The following NKAIN3 variants were observed in gnomAD, a reference collection of about 807,000 sequenced individuals.
The protein encoded by NKAIN3 is sodium/potassium-transporting ATPase subunit beta-1-interacting protein 3.
A neutral mutation model predicts 30.2 loss-of-function variants in NKAIN3; 25 were observed. That is an observed-to-expected ratio of 0.83 (90% CI 0.60 to 1.16). The LOEUF (loss-of-function observed/expected upper bound fraction) is 1.16, where lower values mean the gene tolerates loss of function less well. Among genes scored for constraint, NKAIN3 ranks in the 50% most tolerant of loss-of-function variants. The pLI is 0.00. For synonymous variants in NKAIN3, 91 were observed against 89.6 expected (o/e 1.02, Z -0.09); for missense variants, 225 against 254.1 (o/e 0.89, Z 0.78).
At chr8:62,441,307 G>GT (rs1469856278) in intron 1 of NKAIN3, among the ~76,000 whole-genome samples, 1 of 151,918 alleles carries the variant, frequency 6.6e-6, no homozygotes, top group East Asian at 1.9e-4. Flanking sequence ...AAGATCAGCT[G>GT]TTTTTCCTAA....
chr8:62,880,508 A>G (rs530215904), intron 4 of NKAIN3, among the ~76,000 whole-genome samples: 4 of 152,330 alleles, frequency 2.6e-5, no homozygotes, highest in African/African-American at 9.6e-5. Flanking sequence ...TTTTTACAAC[A>G]AAGTGTGGGA....
At chr8:62,644,488 G>A (rs945336021) in intron 3 of NKAIN3, among the ~76,000 whole-genome samples, 5 of 151,948 alleles carry the variant, frequency 3.3e-5, no homozygotes, top group African/African-American at 1.2e-4. Flanking sequence ...TAATAAATCT[G>A]TGTTTAATAT....
intron 1 of NKAIN3, among the ~76,000 whole-genome samples, chr8:62,250,345 G>C (rs1365243229): frequency 6.6e-6 from 1 of 152,008 alleles, no homozygotes; most frequent in Non-Finnish European, 1.5e-5. Flanking sequence ...TGTATTCGTA[G>C]GTTTGAAATC....
At chr8:62,545,784 A>G (rs918804843) in intron 1 of NKAIN3, among the ~76,000 whole-genome samples, 7 of 152,184 alleles carry the variant, frequency 4.6e-5, no homozygotes, top group Admixed American at 3.9e-4. Context: ...TACATAAACC[A>G]TTTTGCATAG....
At chr8:62,499,113 A>G (rs1807334682) in intron 1 of NKAIN3, among the ~76,000 whole-genome samples, 1 of 152,272 alleles carries the variant, frequency 6.6e-6, no homozygotes, top group Non-Finnish European at 1.5e-5. Flanking sequence ...AGATTGTGCC[A>G]TGTGATTGGT....
At chr8:62,985,025 T>A (rs1824174728), downstream of NKAIN3, 1 of 152,208 alleles carries the variant, frequency 6.6e-6, no homozygotes, top group Non-Finnish European at 1.5e-5. Flanking sequence ...TACCCCCCTA[T>A]TTCATGCACA....
chr8:62,317,164 C>CTT (rs1488687408), intron 1 of NKAIN3, among the ~76,000 whole-genome samples: 1 of 152,126 alleles, frequency 6.6e-6, no homozygotes, highest in Non-Finnish European at 1.5e-5. Flanking sequence ...ATTGTAGATT[C>CTT]TGGATATTAG....
chr8:62,930,104 T>C (rs1343461105), intron 5 of NKAIN3, among the ~76,000 whole-genome samples: 1 of 152,240 alleles, frequency 6.6e-6, no homozygotes, highest in East Asian at 1.9e-4. Context: ...TACAACTCAG[T>C]GGCATTAGGT....
At chr8:62,536,138 G>A (rs906110524) in intron 1 of NKAIN3, among the ~76,000 whole-genome samples, 1 of 152,088 alleles carries the variant, frequency 6.6e-6, no homozygotes. Flanking sequence ...TCAAAGAAAT[G>A]ACTCTATTTT....
At position 62,324,387 on chromosome 8, in the gene NKAIN3, A is replaced by G. The variant is rs1815045226; in HGVS notation, c.54+75260A>G. On this transcript the variant is annotated intron_variant, in intron 1 of 6. Transcript: ENST00000623646. Reference sequence around the variant, plus strand: ...ATTACGACCTAAAAATATGTTTATAAGTAATAAAATTACATTAATAAAATC... The same window carrying G: ...ATTACGACCTAAAAATATGTTTATAGGTAATAAAATTACATTAATAAAATC... Among the ~76,000 whole-genome samples the G allele has an allele frequency of 2.6e-5, 4 of 152,162 alleles. No homozygotes were observed. The South Asian group carries it at 8.3e-4, about 31-fold the overall frequency.
intron 4 of NKAIN3, chr8:62,863,441 G>A (rs1820317299): frequency 6.4e-7 from 1 of 1,555,372 alleles, no homozygotes; most frequent in Non-Finnish European, 8.7e-7. Context: ...GTCTTACTGT[G>A]TAGATATTCT....
chr8:62,265,794 A>G (rs1478890041), intron 1 of NKAIN3, among the ~76,000 whole-genome samples: 1 of 152,184 alleles, frequency 6.6e-6, no homozygotes, highest in East Asian at 1.9e-4. Flanking sequence ...GGACACAAGG[A>G]AATTTAAAAC....
chr8:62,632,579 T>G (rs1811993799), intron 3 of NKAIN3, among the ~76,000 whole-genome samples: 1 of 152,130 alleles, frequency 6.6e-6, no homozygotes, highest in African/African-American at 2.4e-5. Flanking sequence ...CTCGGCTCAC[T>G]GAAACCTCCA....
At chr8:62,835,030 C>A (rs58901873) in intron 4 of NKAIN3, among the ~76,000 whole-genome samples, 2,451 of 152,160 alleles carry the variant, frequency 0.016, 61 homozygotes, top group African/African-American at 0.05. Flanking sequence ...CACACAAGTG[C>A]AACCATCTGA....
chr8:62,946,106 G>A (rs941817959), intron 5 of NKAIN3, among the ~76,000 whole-genome samples: 1 of 152,186 alleles, frequency 6.6e-6, no homozygotes, highest in African/African-American at 2.4e-5. Context: ...TCTGAAAGGT[G>A]GAGGAGATTT....
chr8:62,673,019 T>G (rs4738993), intron 3 of NKAIN3, among the ~76,000 whole-genome samples: 2 of 152,006 alleles, frequency 1.3e-5, no homozygotes, highest in Non-Finnish European at 2.9e-5. Context: ...TTATTTATAC[T>G]TTGCAATAGC....
At chr8:62,573,715 T>G (rs1344043082) in intron 1 of NKAIN3, among the ~76,000 whole-genome samples, 1 of 152,100 alleles carries the variant, frequency 6.6e-6, no homozygotes, top group Admixed American at 6.6e-5. Flanking sequence ...TTATTTTATT[T>G]TGTTCATTCT....
At chr8:62,940,187 A>G (rs1822910875) in intron 5 of NKAIN3, among the ~76,000 whole-genome samples, 1 of 152,006 alleles carries the variant, frequency 6.6e-6, no homozygotes, top group South Asian at 2.1e-4. Context: ...TTATATTATG[A>G]TAAAAGGACT....
chr8:62,784,079 T>C (rs2130658177), intron 4 of NKAIN3, among the ~76,000 whole-genome samples: 1 of 152,080 alleles, frequency 6.6e-6, no homozygotes, highest in South Asian at 2.1e-4. Context: ...GAACATTGAA[T>C]AGAACGGAAA....
Sources: allele counts gnomAD v4.1 joint callset (sites outside exome capture counted in the v4.1 genomes callset), GRCh38; gene constraint gnomAD v4.1.1; transcripts MANE v1.5; gene names NCBI Gene and HGNC (gene_info 2026-07-23, HGNC 2026-07-21).